RACK1: variants seen among roughly 807,000 people sequenced by gnomAD.
RACK1 encodes small ribosomal subunit protein RACK1.
RACK1 carries 3 observed loss-of-function variants against 42.2 expected under a neutral mutation model. The ratio of observed to expected loss-of-function variants is 0.07; its 90% CI spans 0.03 to 0.18. The LOEUF is 0.18. RACK1 is among the 10% of genes least tolerant of loss of function. The pLI is 1.00. For synonymous variants in RACK1, 181 were observed against 154.8 expected, an observed-to-expected ratio of 1.17 and a Z score of -1.25; for missense variants, 146 against 403.2, an observed-to-expected ratio of 0.36 and a Z score of 5.46.
Position 181,237,600 on chromosome 5 carries a change from C to T in RACK1, c.888+9G>A. 6.9e-7 allele frequency: 1 copy of T among 1,450,588 alleles called. No individual in the cohort carries two copies. Among genetic ancestry groups the T allele is most frequent in the Non-Finnish European group, 9.7e-7 (1 of 1,030,394 alleles). The allele number at this position is 1,450,588 out of a possible 1,614,324, so 89.9% of individuals were successfully genotyped here. A position where few individuals can be genotyped will look rare whatever the true frequency, so the allele number is the denominator to read the frequency against. The stretch of plus-strand genomic sequence containing the variant: ...AAGCAGAATCACCTGAGAGGACAGA[C>T]CCACTTACCTGGCCATCAGCAGACC... On this transcript the variant is annotated intron_variant, in intron 7 of 7. Transcript: ENST00000512805.
intron 2 of RACK1, chr5:181,241,891 C>T (rs774644330): frequency 3.9e-6 from 3 of 766,186 alleles, no homozygotes; most frequent in South Asian, 2.7e-5. Flanking sequence ...ATCACCAGGA[C>T]CCTCTAATTC....
Position 181,243,830 on chromosome 5 carries a change from C to G in RACK1, c.-30G>C. ...GCGGCGAGAGCGTGTGTCGCTGCAGCGACGAGGATGGCACTGGATGGCTTA... is the reference window on the plus strand; with the variant it reads ...GCGGCGAGAGCGTGTGTCGCTGCAGGGACGAGGATGGCACTGGATGGCTTA... On this transcript the variant is annotated 5_prime_UTR_variant, in exon 1 of 8. Transcript: ENST00000512805. 2 of 1,580,002 alleles carry G rather than the reference C, an allele frequency of 1.3e-6. No homozygotes were observed. Among genetic ancestry groups the G allele is most frequent in the Non-Finnish European group, 1.7e-6 (2 of 1,162,940 alleles).
At chr5:181,239,323 C>T in intron 4 of RACK1, 146 bp from the exon 5 acceptor site, 1 of 761,848 alleles carries the variant, frequency 1.3e-6, no homozygotes, top group Non-Finnish European at 2.4e-6. Flanking sequence ...TAGATTATAA[C>T]ACATATCCAA....
chr5:181,237,355 C>T, intron 7 of RACK1: 1 of 703,616 alleles, frequency 1.4e-6, no homozygotes, highest in South Asian at 1.5e-5. Context: ...AGGCTCCAGA[C>T]ATTTGAAAAC....
intron 7 of RACK1, 128 bp downstream of exon 7, chr5:181,237,481 A>C (rs1218820566): frequency 1.6e-5 from 11 of 687,614 alleles, no homozygotes; most frequent in Non-Finnish European, 2.4e-5. Flanking sequence ...ATCCTCATCA[A>C]CCTGGCTTGT....
At position 181,243,029 on chromosome 5, in the gene RACK1, G is replaced by A. The variant is rs544074905; in HGVS notation, c.109+663C>T. 4.1e-4 allele frequency: 144 copies of A among 354,112 alleles called. 1 individual carries two copies. Among genetic ancestry groups the A allele is most frequent in the African/African-American group, 2.9e-3 (135 of 46,702 alleles). 21.9% of individuals were successfully genotyped at this position (354,112 alleles called of 1,614,324 possible). A position where few individuals can be genotyped will look rare whatever the true frequency, so the allele number is the denominator to read the frequency against. On this transcript the variant is annotated intron_variant, in intron 1 of 7. Transcript: ENST00000512805. ...ACCTCTGAGGGCCGACAGAAATGTAGTAATGAATGCTGGAAAAGCCACTTC... is the reference window on the plus strand; with the variant it reads ...ACCTCTGAGGGCCGACAGAAATGTAATAATGAATGCTGGAAAAGCCACTTC...
chr5:181,243,194 C>G (rs1561681726), intron 1 of RACK1: 1 of 1,054,558 alleles, frequency 9.5e-7, no homozygotes, highest in African/African-American at 1.6e-5. Context: ...CGTCTAAACG[C>G]AGTCAGGAAC....
At chr5:181,237,488 T>G (rs1279078113) in intron 7 of RACK1, 121 bp downstream of exon 7, 1 of 699,136 alleles carries the variant, frequency 1.4e-6, no homozygotes, top group African/African-American at 1.8e-5. Context: ...TCAACCTGGC[T>G]TGTCATTTCA....
chr5:181,237,962 T>C (rs1759202986), intron 6 of RACK1, 137 bp downstream of exon 6: 1 of 921,808 alleles, frequency 1.1e-6, no homozygotes, highest in Non-Finnish European at 1.7e-6. Context: ...ACAGAGTTAC[T>C]CAGACCAAAA....
Position 181,242,360 on chromosome 5 carries a change from A to C in RACK1, c.110-15T>G. ...GATGGTCTTATCTAAAGGAGGTAAAACAGAAGAAAAATCAGTGAGGAACCC... is the reference window on the plus strand; with the variant it reads ...GATGGTCTTATCTAAAGGAGGTAAACCAGAAGAAAAATCAGTGAGGAACCC... On this transcript the variant is annotated splice_polypyrimidine_tract_variant and intron_variant, in intron 1 of 7. Transcript: ENST00000512805. 1 of 1,595,602 alleles carries C rather than the reference A, an allele frequency of 6.3e-7. No individual in the cohort carries two copies. Among genetic ancestry groups the C allele is most frequent in the South Asian group, 1.1e-5 (1 of 89,932 alleles).
At chr5:181,241,334 G>A (rs1377760611) in intron 3 of RACK1, 158 bp downstream of exon 3, 2 of 638,602 alleles carry the variant, frequency 3.1e-6, no homozygotes, top group Non-Finnish European at 5.4e-6. Flanking sequence ...GGAGACTGAG[G>A]CACCAGAATC....
chr5:181,238,267 A>C (rs1044530147), intron 5 of RACK1, 28 bp from the exon 6 acceptor site: 3 of 1,610,120 alleles, frequency 1.9e-6, no homozygotes, highest in Non-Finnish European at 2.5e-6. Flanking sequence ...AAATCAGGAC[A>C]CTGTGACCTC....
intron 5 of RACK1, chr5:181,238,781 C>T (rs956165055): frequency 1.3e-5 from 5 of 396,618 alleles, no homozygotes; most frequent in Admixed American, 7.2e-5. Flanking sequence ...CCTTGGCAGC[C>T]GAGTGAGACT....
chr5:181,239,897 T>G (rs528901812), intron 3 of RACK1, among the ~76,000 whole-genome samples: 7 of 152,012 alleles, frequency 4.6e-5, no homozygotes, highest in Admixed American at 2.6e-4. Flanking sequence ...ATACAAAAAT[T>G]AACCAGGTGT....
At chr5:181,243,243 T>C in intron 1 of RACK1, 2 of 1,337,802 alleles carry the variant, frequency 1.5e-6, no homozygotes, top group South Asian at 1.2e-5. Flanking sequence ...GCAGAAAAAG[T>C]AGGCCGACAC....
chr5:181,237,342 A>C, intron 7 of RACK1: 1 of 709,184 alleles, frequency 1.4e-6, no homozygotes, highest in South Asian at 1.5e-5. Flanking sequence ...ACAGCTGGTG[A>C]TAAGGCTCCA....
At position 181,239,382 on chromosome 5, in the gene RACK1, G is replaced by C. The variant is rs138108713; in HGVS notation, c.525+105C>G. The C allele has an allele frequency of 7.2e-3, 6,061 of 837,518 alleles. 74 individuals are homozygous for C. The Middle Eastern group carries it at 0.081, about 11-fold the overall frequency. The allele number at this position is 837,518 out of a possible 1,614,324, so 51.9% of individuals were successfully genotyped here. ...ACATCAGACCATGTGACAAGAGAAA[G>C]AGTCAACTGAGGGCATCTGCAAAGC... On this transcript the variant is annotated intron_variant, in intron 4 of 7. Coordinates refer to ENST00000512805, the MANE Select transcript of RACK1 (RefSeq NM_006098.5).
At chr5:181,239,253 T>G in intron 4 of RACK1, 76 bp from the exon 5 acceptor site, 1 of 961,062 alleles carries the variant, frequency 1.0e-6, no homozygotes, top group Non-Finnish European at 1.7e-6. Context: ...AAAAAGGGCT[T>G]GGCACTTCTG....
At chr5:181,239,814 GT>G (rs1759272690) in intron 3 of RACK1, among the ~76,000 whole-genome samples, 1 of 152,206 alleles carries the variant, frequency 6.6e-6, no homozygotes, top group Admixed American at 6.5e-5. Flanking sequence ...GGAGGGCGAG[GT>G]AAGTGGATCA....
Sources: allele counts gnomAD v4.1 joint callset (sites outside exome capture counted in the v4.1 genomes callset), GRCh38; gene constraint gnomAD v4.1.1; transcripts MANE v1.5; gene names NCBI Gene and HGNC (gene_info 2026-07-23, HGNC 2026-07-21).